The following SRR variants were observed in gnomAD, a reference collection of about 807,000 sequenced individuals.
SRR encodes D-serine ammonia-lyase.
SRR carries 19 observed loss-of-function variants against 32.7 expected under a neutral mutation model. The observed-to-expected ratio is 0.58, with a 90% CI of 0.40 to 0.85. The LOEUF (loss-of-function observed/expected upper bound fraction) is 0.85. Ranked by LOEUF, SRR falls within the 40% of genes least tolerant of loss-of-function variation. The pLI is 0.00. For missense variants in SRR, 373 were observed against 404.7 expected (o/e 0.92, Z 0.67); for synonymous variants, 142 against 140.9 (o/e 1.01, Z -0.06).
Position 2,317,875 on chromosome 17 carries a change from T to C in SRR, c.174T>C (p.Arg58=), listed in dbSNP as rs767639704. ...TCACCATCCCTCTTTTTCAGATTCG[T>C]GGTGCTCTCAATGCCGTCAGAAGCT... ...LFQKTGSFKI[R]GALNAVRSLV... The change falls in exon 3 of 8, where the codon CGT becomes CGC. Residue 58 remains arginine, a synonymous_variant. Coordinates refer to ENST00000344595, the MANE Select transcript of SRR (RefSeq NM_021947.3). 7 of 1,613,046 alleles carry C rather than the reference T, an allele frequency of 4.3e-6. No individual in the cohort carries two copies. Among genetic ancestry groups the C allele is most frequent in the South Asian group, 1.1e-5 (1 of 90,876 alleles).
At chr17:2,307,501 G>T in intron 1 of SRR, 7 of 1,422,148 alleles carry the variant, frequency 4.9e-6, no homozygotes, top group Non-Finnish European at 6.9e-6. Context: ...AATGGATTTG[G>T]TAATGATGGA....
chr17:2,321,595 T>C lies in SRR; in HGVS notation c.573T>C (p.Ala191=), dbSNP rs1286682108. Residue 191 remains alanine, a synonymous_variant, in exon 6 of 8, where the codon GCT becomes GCC. Transcript: ENST00000344595. ...CTGTAGGTGGAGGAGGAATGCTTGC[T>C]GGAATAGCAATTACAGTTAAGGTGA... ...VVPVGGGGML[A]GIAITVKALK... is the part of the protein sequence containing the mutation. The C allele has an allele frequency of 6.2e-7, 1 of 1,614,026 alleles. No homozygotes were observed. Among genetic ancestry groups the C allele is most frequent in the Non-Finnish European group, 8.5e-7 (1 of 1,179,984 alleles).
chr17:2,320,251 C>CT (rs35025479), intron 4 of SRR, among the ~76,000 whole-genome samples: 42,466 of 76,664 alleles, frequency 0.55, 14,100 homozygotes, highest in African/African-American at 0.62. Context: ...CATCTCTCAT[C>CT]TTTTTTTTTT....
At chr17:2,309,515 CTG>C (rs1345036593) in intron 1 of SRR, among the ~76,000 whole-genome samples, 1 of 152,210 alleles carries the variant, frequency 6.6e-6, no homozygotes, top group Non-Finnish European at 1.5e-5. Flanking sequence ...TTTATTCACA[CTG>C]TCATTAACAA....
intron 1 of SRR, among the ~76,000 whole-genome samples, chr17:2,311,231 G>C (rs1000452587): frequency 2.6e-5 from 4 of 151,920 alleles, no homozygotes; most frequent in Non-Finnish European, 5.9e-5. Context: ...TAAGAGACAG[G>C]GTCTTGCTCT....
chr17:2,318,339 C>G (rs745804492), intron 3 of SRR, among the ~76,000 whole-genome samples: 62 of 151,942 alleles, frequency 4.1e-4, no homozygotes, highest in Admixed American at 1.4e-3. Flanking sequence ...ATACAAAATA[C>G]TAATTTCACC....
chr17:2,303,537 C>T, upstream of SRR: 3 of 1,340,566 alleles, frequency 2.2e-6, no homozygotes, highest in Non-Finnish European at 1.9e-6. Flanking sequence ...GGGGCGGGGG[C>T]TCCGGAGCCG....
In SRR at chr17:2,323,894, G is replaced by T; in HGVS notation, c.*21G>T. On this transcript the variant is annotated 3_prime_UTR_variant, in exon 8 of 8. Transcript: ENST00000344595. ...TTTAATTTACAGAAAAGGAAATGGT[G>T]GGAATTCAGTGTCTTTAGATACTGA... is the stretch of plus-strand genomic sequence containing the variant. 2 of 1,604,990 alleles carry T rather than the reference G, an allele frequency of 1.2e-6. No homozygotes were observed. The highest frequency in any genetic ancestry group is 1.1e-5 in the South Asian group (1 of 90,616).
chr17:2,315,458 C>A, intron 1 of SRR, 99 bp from the exon 2 acceptor site: 1 of 1,143,074 alleles, frequency 8.7e-7, no homozygotes, highest in Non-Finnish European at 1.2e-6. Flanking sequence ...CATGACACCA[C>A]AGGCCCCAGG....
intron 2 of SRR, among the ~76,000 whole-genome samples, chr17:2,317,526 A>AT (rs2075486362): frequency 6.6e-6 from 1 of 151,410 alleles, no homozygotes; most frequent in African/African-American, 2.4e-5. Context: ...AAAAATAAAA[A>AT]AAAAAAATTT....
intron 4 of SRR, 112 bp from the exon 5 acceptor site, chr17:2,321,194 T>C: frequency 1.5e-6 from 2 of 1,297,810 alleles, no homozygotes; most frequent in South Asian, 2.7e-5. Context: ...CTCTAGTACC[T>C]GAACAAAGTG....
intron 1 of SRR, among the ~76,000 whole-genome samples, chr17:2,314,917 C>A (rs2075460811): frequency 6.7e-6 from 1 of 150,252 alleles, no homozygotes; most frequent in Non-Finnish European, 1.5e-5. Context: ...AAATTGAATC[C>A]AATTCATTCA....
intron 6 of SRR, 24 bp downstream of exon 6, chr17:2,321,640 C>A: frequency 6.2e-7 from 1 of 1,607,738 alleles, no homozygotes; most frequent in South Asian, 1.1e-5. Context: ...GGAGGATTCC[C>A]TGCTTCAAGC....
chr17:2,318,882 A>T lies in SRR; in HGVS notation c.352A>T (p.Ile118Leu). ...AGCTCCAGACTGTAAAAAACTTGCA[A>T]TACAAGCCTACGGAGCGTCAATTGT... Reference protein sequence around the residue: ...QTAPDCKKLAIQAYGASIVYC... With the variant: ...QTAPDCKKLALQAYGASIVYC... Residue 118 changes from isoleucine (I) to leucine (L), a missense_variant, in exon 4 of 8, where the codon ATA becomes TTA. Transcript: ENST00000344595. The T allele has an allele frequency of 6.2e-7, 1 of 1,613,902 alleles. No homozygotes were observed. The highest frequency in any genetic ancestry group is 1.1e-5 in the South Asian group (1 of 91,080).
At chr17:2,308,699 TAA>T (rs2075411695) in intron 1 of SRR, among the ~76,000 whole-genome samples, 1 of 152,126 alleles carries the variant, frequency 6.6e-6, no homozygotes, top group Non-Finnish European at 1.5e-5. Context: ...CACGCTCCTG[TAA>T]TCTCAGCTAC....
intron 1 of SRR, among the ~76,000 whole-genome samples, chr17:2,313,439 A>G (rs927488955): frequency 2.0e-5 from 3 of 147,606 alleles, no homozygotes; most frequent in African/African-American, 7.6e-5. Flanking sequence ...AAAAAAAAAA[A>G]AAGTTGGATA....
At chr17:2,311,765 A>G (rs973628516) in intron 1 of SRR, among the ~76,000 whole-genome samples, 2 of 152,228 alleles carry the variant, frequency 1.3e-5, no homozygotes, top group Admixed American at 1.3e-4. Context: ...TTTTAGAGCA[A>G]TCAAGGGAGA....
chr17:2,317,527 A>T lies in SRR; in HGVS notation c.169-343A>T, dbSNP rs544738533. On this transcript the variant is annotated intron_variant, in intron 2 of 7. Coordinates refer to ENST00000344595, the MANE Select transcript of SRR (RefSeq NM_021947.3). ...GAGACTAGGTCTAAAAAAATAAAAA[A>T]AAAAAATTTAGCCGGGCATGGTGGC... 4.8e-4 allele frequency among the ~76,000 whole-genome samples: 72 copies of T among 150,290 alleles called. 1 individual carries two copies. The highest frequency in any genetic ancestry group is 1.5e-3 in the African/African-American group (60 of 40,894).
rs2075557399 is a variant in SRR, at chr17:2,324,022, G to C, written c.*149G>C. On this transcript the variant is annotated 3_prime_UTR_variant, in exon 8 of 8. Transcript: ENST00000344595. ...ATAGTTTTTTTTGGACTAAGTAGTG[G>C]AAAAACTTTTATACTTAACTGAGAC... is the stretch of plus-strand genomic sequence containing the variant. The C allele has an allele frequency of 4.2e-6, 5 of 1,188,070 alleles. No homozygotes were observed. The highest frequency in any genetic ancestry group is 3.1e-5 in the African/African-American group (2 of 65,106). The allele number at this position is 1,188,070 out of a possible 1,614,324, so 73.6% of individuals were successfully genotyped here.
Sources: gnomAD v4.1 joint callset for allele counts (sites outside exome capture counted in the v4.1 genomes callset) on GRCh38, gnomAD v4.1.1 for gene constraint, MANE v1.5 for transcripts, NCBI Gene and HGNC (gene_info 2026-07-23, HGNC 2026-07-21) for gene names.